The following CNTNAP5 variants were observed in gnomAD, a reference collection of about 807,000 sequenced individuals.
CNTNAP5 encodes contactin-associated protein-like 5.
In CNTNAP5, 72 loss-of-function variants were observed where a neutral mutation model predicts 150.2. The ratio of observed to expected loss-of-function variants is 0.48; its 90% CI spans 0.40 to 0.58. The LOEUF (loss-of-function observed/expected upper bound fraction) is 0.58, where lower values mean the gene tolerates loss of function less well. Among genes scored for constraint, CNTNAP5 ranks in the 20% least tolerant of loss-of-function variants. The probability of loss-of-function intolerance (pLI) is 0.00; values close to 1 mark genes in which losing one functional copy is unlikely to be tolerated. For synonymous variants in CNTNAP5, 672 were observed against 619.8 expected (o/e 1.08, Z -1.25); for missense variants, 1,636 against 1,626.2 (o/e 1.01, Z -0.10).
At chr2:124,502,056 G>A (rs926521106) in intron 7 of CNTNAP5, among the ~76,000 whole-genome samples, 6 of 152,148 alleles carry the variant, frequency 3.9e-5, no homozygotes, top group Admixed American at 2.0e-4. Context: ...TCCAAGGACC[G>A]AAAGCATATC....
intron 13 of CNTNAP5, among the ~76,000 whole-genome samples, chr2:124,714,885 CAA>C (rs769599482): frequency 1.3e-5 from 2 of 152,020 alleles, no homozygotes; most frequent in Non-Finnish European, 2.9e-5. Context: ...GACAGATTTG[CAA>C]AGTCATGTTT....
At chr2:124,408,029 C>A (rs1055522577) in intron 3 of CNTNAP5, among the ~76,000 whole-genome samples, 1 of 152,190 alleles carries the variant, frequency 6.6e-6, no homozygotes, top group Non-Finnish European at 1.5e-5. Context: ...GGTGCGCGCA[C>A]CGTACGCCAG....
chr2:124,444,463 C>T (rs1558905015), intron 5 of CNTNAP5, among the ~76,000 whole-genome samples: 1 of 151,980 alleles, frequency 6.6e-6, no homozygotes, highest in Non-Finnish European at 1.5e-5. Flanking sequence ...CATGTGGTGG[C>T]CTGCGCCTGT....
chr2:124,349,747 G>C (rs1015546701), intron 3 of CNTNAP5, among the ~76,000 whole-genome samples: 5 of 151,966 alleles, frequency 3.3e-5, no homozygotes, highest in African/African-American at 1.2e-4. Flanking sequence ...ATAGTCTTTA[G>C]AGCTCTCATG....
Position 124,900,908 on chromosome 2 carries a change from C to T in CNTNAP5, c.3437-1974C>T, listed in dbSNP as rs147828023. On this transcript the variant is annotated intron_variant, in intron 21 of 23. Transcript: ENST00000682447. ...GCATATTCTGAATTGTATCTGGGTA[C>T]AGTGAGTTCTGGTGCCACCAGCAAA... Among the ~76,000 whole-genome samples the T allele has an allele frequency of 5.7e-4, 86 of 151,734 alleles. 3 individuals carry two copies. Among genetic ancestry groups the T allele is most frequent in the African/African-American group, 1.9e-3 (80 of 41,050 alleles).
chr2:124,690,498 T>G (rs529779559), intron 13 of CNTNAP5, among the ~76,000 whole-genome samples: 52 of 152,252 alleles, frequency 3.4e-4, no homozygotes, highest in Admixed American at 5.9e-4. Context: ...CAGTTCTTTG[T>G]TTCACCAATA....
At chr2:124,645,376 G>A (rs1333915199) in intron 12 of CNTNAP5, among the ~76,000 whole-genome samples, 7 of 152,142 alleles carry the variant, frequency 4.6e-5, no homozygotes, top group African/African-American at 1.2e-4. Flanking sequence ...AGACCAGCCT[G>A]GGCAATATAA....
chr2:124,513,963 CA>C (rs1342093267), intron 8 of CNTNAP5, among the ~76,000 whole-genome samples: 2 of 152,324 alleles, frequency 1.3e-5, no homozygotes, highest in East Asian at 3.9e-4. Flanking sequence ...GACGAGGCCG[CA>C]AGCTTCATCC....
chr2:124,875,534 G>T (rs1677836164), intron 21 of CNTNAP5, among the ~76,000 whole-genome samples: 1 of 152,036 alleles, frequency 6.6e-6, no homozygotes, highest in African/African-American at 2.4e-5. Context: ...TTGGTAAAAT[G>T]AGGATAGTAA....
At chr2:124,373,130 C>A (rs1177215234) in intron 3 of CNTNAP5, among the ~76,000 whole-genome samples, 1 of 152,158 alleles carries the variant, frequency 6.6e-6, no homozygotes, top group South Asian at 2.1e-4. Flanking sequence ...CCGTTCTTGA[C>A]ATTAGCTTGG....
intron 17 of CNTNAP5, among the ~76,000 whole-genome samples, chr2:124,775,913 G>A (rs1227788718): frequency 2.0e-5 from 3 of 152,116 alleles, no homozygotes; most frequent in East Asian, 1.9e-4. Context: ...AAGAAAAATC[G>A]AAGATCCAAT....
intron 1 of CNTNAP5, among the ~76,000 whole-genome samples, chr2:124,153,660 A>G (rs577801830): frequency 8.3e-4 from 103 of 124,772 alleles, no homozygotes; most frequent in African/African-American, 3.1e-3. Context: ...CCCAGGCTGG[A>G]GTACAGTGGT....
chr2:124,458,151 A>G (rs1466311293), intron 6 of CNTNAP5, among the ~76,000 whole-genome samples: 1 of 150,520 alleles, frequency 6.6e-6, no homozygotes, highest in Non-Finnish European at 1.5e-5. Flanking sequence ...TTGCAAAAAC[A>G]TGGAACCAAC....
intron 1 of CNTNAP5, among the ~76,000 whole-genome samples, chr2:124,150,483 A>G (rs1448007444): frequency 6.6e-6 from 1 of 152,178 alleles, no homozygotes; most frequent in Non-Finnish European, 1.5e-5. Context: ...TGCTATAACA[A>G]AAATACCATA....
At chr2:124,446,678 TG>T (rs1692824246) in intron 5 of CNTNAP5, 74 bp from the exon 6 acceptor site, 1 of 1,432,808 alleles carries the variant, frequency 7.0e-7, no homozygotes, top group African/African-American at 1.4e-5. Context: ...TAGCTGCTTT[TG>T]CTTGTGGAGC....
intron 13 of CNTNAP5, among the ~76,000 whole-genome samples, chr2:124,716,397 G>T (rs1573569479): frequency 2.6e-5 from 4 of 152,006 alleles, no homozygotes; most frequent in Admixed American, 2.6e-4. Flanking sequence ...TGTACTATTT[G>T]GAAGATTTAT....
chr2:124,398,794 A>T (rs548683232), intron 3 of CNTNAP5, among the ~76,000 whole-genome samples: 1 of 152,232 alleles, frequency 6.6e-6, no homozygotes, highest in South Asian at 2.1e-4. Flanking sequence ...CTTTATCTTA[A>T]AGGTAATGAA....
chr2:124,454,390 C>T (rs1248538375), intron 6 of CNTNAP5, among the ~76,000 whole-genome samples: 1 of 152,086 alleles, frequency 6.6e-6, no homozygotes, highest in African/African-American at 2.4e-5. Flanking sequence ...CTGGAGCTCC[C>T]AAATTTGTAA....
In CNTNAP5 at chr2:124,548,042, A is replaced by G. The variant is rs577925095; in HGVS notation, c.1650-15175A>G. On this transcript the variant is annotated intron_variant, in intron 10 of 23. Coordinates refer to ENST00000682447, the MANE Select transcript of CNTNAP5 (RefSeq NM_001367498.1). ...TTCCATCTGAGGTTTTCATTAGTAT[A>G]AGTCTTTTTAGACCACATCTTTTAC... Among the ~76,000 whole-genome samples, 13 of 152,342 alleles carry G rather than the reference A, an allele frequency of 8.5e-5. No homozygotes were observed. The South Asian group carries it at 2.7e-3, about 32-fold the overall frequency.
Sources: allele counts gnomAD v4.1 joint callset (sites outside exome capture counted in the v4.1 genomes callset), GRCh38; gene constraint gnomAD v4.1.1; transcripts MANE v1.5; gene names NCBI Gene and HGNC (gene_info 2026-07-23, HGNC 2026-07-21).